CADM2: variants seen among roughly 807,000 people sequenced by gnomAD.
CADM2 encodes immunoglobulin superfamily member 4D.
In CADM2, 12 loss-of-function variants were observed where a neutral mutation model predicts 49.8. That is an observed-to-expected ratio of 0.24 (90% CI 0.15 to 0.39). CADM2 has a LOEUF of 0.39. Ranked by LOEUF, CADM2 falls within the 10% of genes least tolerant of loss-of-function variation. The pLI is 1.00. For synonymous variants in CADM2, 214 were observed against 175.4 expected (o/e 1.22, Z -1.74); for missense variants, 378 against 492.3 (o/e 0.77, Z 2.20).
At chr3:85,462,750 G>C (rs945060706) in intron 1 of CADM2, among the ~76,000 whole-genome samples, 1 of 152,048 alleles carries the variant, frequency 6.6e-6, no homozygotes, top group African/African-American at 2.4e-5. Context: ...AAAAATAAAA[G>C]ATTCAAAAAG....
At chr3:85,193,413 T>C (rs1335199135) in intron 1 of CADM2, among the ~76,000 whole-genome samples, 1 of 152,098 alleles carries the variant, frequency 6.6e-6, no homozygotes, top group African/African-American at 2.4e-5. Flanking sequence ...AAGCTTTTCA[T>C]GGATAACTCA....
rs183929687 is a variant in CADM2, at chr3:85,954,709, T to A, written c.792-6760T>A. Among the ~76,000 whole-genome samples the A allele has an allele frequency of 2.2e-3, 335 of 151,330 alleles. 3 individuals are homozygous for A. Among genetic ancestry groups the A allele is most frequent in the Middle Eastern group, 0.01 (3 of 294 alleles). On this transcript the variant is annotated intron_variant, in intron 7 of 9. Transcript: ENST00000383699. ...TTTCCTGAACTCAATAAACTTTAAA[T>A]CTTTTACTTGAACAATTTTCAAATC...
intron 2 of CADM2, among the ~76,000 whole-genome samples, chr3:85,789,557 G>A (rs1283496187): frequency 2.6e-5 from 4 of 151,894 alleles, no homozygotes; most frequent in Non-Finnish European, 5.9e-5. Flanking sequence ...TACAATATTT[G>A]AAGATACATT....
At chr3:85,835,395 A>G (rs940231146) in intron 3 of CADM2, among the ~76,000 whole-genome samples, 1 of 150,788 alleles carries the variant, frequency 6.6e-6, no homozygotes, top group Non-Finnish European at 1.5e-5. Context: ...TAATCAAAGA[A>G]TGCCTAGAAG....
chr3:85,812,496 C>T (rs1283355325), intron 3 of CADM2, among the ~76,000 whole-genome samples: 1 of 152,080 alleles, frequency 6.6e-6, no homozygotes, highest in Non-Finnish European at 1.5e-5. Flanking sequence ...AGGATCAGCA[C>T]AGGCATCATG....
chr3:85,221,666 G>T (rs928208744), intron 1 of CADM2, among the ~76,000 whole-genome samples: 1 of 152,084 alleles, frequency 6.6e-6, no homozygotes, highest in Non-Finnish European at 1.5e-5. Flanking sequence ...ATATATATAA[G>T]AAAAAGTAAA....
intron 3 of CADM2, among the ~76,000 whole-genome samples, chr3:85,841,985 T>G (rs1242062911): frequency 6.6e-6 from 1 of 152,124 alleles, no homozygotes; most frequent in Non-Finnish European, 1.5e-5. Context: ...TGTATTTTTA[T>G]TTTCTATAAC....
At position 86,068,945 on chromosome 3, in the gene CADM2, T is replaced by C. The variant is rs1033796214; in HGVS notation, c.*2162T>C. ...CTAGACACATTGAAACTAGAATAGG[T>C]TTATAAACTGTTCATATCTTTCAAT... On this transcript the variant is annotated 3_prime_UTR_variant, in exon 10 of 10. Transcript: ENST00000383699. 3 of 152,082 alleles carry C rather than the reference T, an allele frequency of 2.0e-5. No homozygotes were observed. Among genetic ancestry groups the C allele is most frequent in the African/African-American group, 7.2e-5 (3 of 41,410 alleles). 9.4% of individuals were successfully genotyped at this position (152,082 alleles called of 1,614,324 possible). A position where few individuals can be genotyped will look rare whatever the true frequency, so the allele number is the denominator to read the frequency against.
intron 1 of CADM2, among the ~76,000 whole-genome samples, chr3:85,229,733 C>T (rs2042243065): frequency 6.6e-6 from 1 of 152,052 alleles, no homozygotes; most frequent in South Asian, 2.1e-4. Context: ...GGGCAGATAC[C>T]CTAGCAAAAG....
At chr3:86,027,820 G>A (rs1419502343) in intron 8 of CADM2, 3 of 151,908 alleles carry the variant, frequency 2.0e-5, no homozygotes, top group African/African-American at 4.8e-5. Context: ...ACAACACTGG[G>A]AGAGCCTCCA....
intron 1 of CADM2, among the ~76,000 whole-genome samples, chr3:85,390,204 C>T (rs1351387468): frequency 3.9e-5 from 6 of 152,086 alleles, no homozygotes; most frequent in Admixed American, 6.5e-5. Context: ...TAAGTTAAAA[C>T]ATAGTTCTTT....
rs1257950513 is a variant in CADM2, at chr3:85,907,910, C to CA, written c.530-4448dup. On this transcript the variant is annotated intron_variant, in intron 5 of 9. Transcript: ENST00000383699. ...TGGGTGACAGAATGAGACTCTGTCT[C>CA]AAAAAAAAAAAAAAAGAAGATATCT... Among the ~76,000 whole-genome samples, 784 of 105,634 alleles carry CA rather than the reference C, an allele frequency of 7.4e-3. 5 individuals carry two copies. Among genetic ancestry groups the CA allele is most frequent in the African/African-American group, 0.016 (463 of 28,824 alleles). The allele number at this position is 105,634 out of a possible 152,430, so 69.3% of individuals were successfully genotyped here. A position where few individuals can be genotyped will look rare whatever the true frequency, so the allele number is the denominator to read the frequency against.
intron 1 of CADM2, among the ~76,000 whole-genome samples, chr3:85,722,119 C>T (rs1208653100): frequency 1.3e-5 from 2 of 152,118 alleles, no homozygotes; most frequent in African/African-American, 2.4e-5. Context: ...AGAGAGGAAG[C>T]CCTGAAGTGG....
intron 1 of CADM2, among the ~76,000 whole-genome samples, chr3:85,249,288 A>G (rs537669617): frequency 1.8e-4 from 28 of 152,240 alleles, no homozygotes; most frequent in African/African-American, 6.5e-4. Flanking sequence ...TTAGTTAGCT[A>G]TGATCTGAAG....
At chr3:85,682,302 A>C (rs2066061441) in intron 1 of CADM2, among the ~76,000 whole-genome samples, 1 of 152,112 alleles carries the variant, frequency 6.6e-6, no homozygotes, top group African/African-American at 2.4e-5. Flanking sequence ...ATACTTCTTA[A>C]AACATCTATC....
chr3:85,252,959 GA>G (rs2042807625), intron 1 of CADM2, among the ~76,000 whole-genome samples: 2 of 151,994 alleles, frequency 1.3e-5, no homozygotes, highest in African/African-American at 4.8e-5. Context: ...CATATGTTAA[GA>G]AAGTAAGTTT....
At position 85,892,524 on chromosome 3, in the gene CADM2, GTC is replaced by G. The variant is rs1445445829; in HGVS notation, c.529+6200_529+6201del. ...ATGCTGTTCCCATAATAGTGAATAAGTCTCATGAGATCTGATGGCTTTATAAA... is the reference window on the plus strand; with the variant it reads ...ATGCTGTTCCCATAATAGTGAATAAGTCATGAGATCTGATGGCTTTATAAA... On this transcript the variant is annotated intron_variant, in intron 5 of 9. Coordinates refer to ENST00000383699, the MANE Select transcript of CADM2 (RefSeq NM_001167675.2). Among the ~76,000 whole-genome samples the G allele has an allele frequency of 2.0e-5, 3 of 152,172 alleles. No individual in the cohort carries two copies. The East Asian group carries it at 5.8e-4, about 30-fold the overall frequency.
intron 3 of CADM2, among the ~76,000 whole-genome samples, chr3:85,810,778 G>T (rs908873740): frequency 1.3e-5 from 2 of 152,046 alleles, no homozygotes; most frequent in Non-Finnish European, 2.9e-5. Flanking sequence ...GACCTCAAGA[G>T]ATCCGCCTGC....
intron 5 of CADM2, among the ~76,000 whole-genome samples, chr3:85,887,097 A>G (rs1282106479): frequency 2.0e-5 from 3 of 152,150 alleles, no homozygotes; most frequent in Non-Finnish European, 4.4e-5. Flanking sequence ...TATTTTTAAG[A>G]GTTTTTAAGA....
Sources: gnomAD v4.1 joint callset for allele counts (sites outside exome capture counted in the v4.1 genomes callset) on GRCh38, gnomAD v4.1.1 for gene constraint, MANE v1.5 for transcripts, NCBI Gene and HGNC (gene_info 2026-07-23, HGNC 2026-07-21) for gene names.